Variants in DAB1 observed in about 807,000 individuals in gnomAD.
DAB1 encodes disabled homolog 1.
DAB1 carries 15 observed loss-of-function variants against 64.6 expected under a neutral mutation model. The ratio of observed to expected loss-of-function variants is 0.23; its 90% CI spans 0.16 to 0.36. DAB1 has a LOEUF of 0.36. DAB1 is among the 10% of genes least tolerant of loss of function. The pLI is 1.00. For missense variants in DAB1, 596 were observed against 706.7 expected, an observed-to-expected ratio of 0.84 and a Z score of 1.78; for synonymous variants, 235 against 251.9, an observed-to-expected ratio of 0.93 and a Z score of 0.64.
At chr1:57,368,263 C>G (rs1489353294) in intron 1 of DAB1, among the ~76,000 whole-genome samples, 1 of 152,190 alleles carries the variant, frequency 6.6e-6, no homozygotes, top group Non-Finnish European at 1.5e-5. Flanking sequence ...AGCCTGGGTG[C>G]CATGAACGGC....
At chr1:57,274,401 C>T (rs1020436690) in intron 2 of DAB1, among the ~76,000 whole-genome samples, 4 of 152,136 alleles carry the variant, frequency 2.6e-5, no homozygotes, top group African/African-American at 9.7e-5. Flanking sequence ...ATTTCAGTTT[C>T]CTCTTTTAAA....
chr1:57,778,758 C>T (rs1036271682), intron 6 of DAB1, among the ~76,000 whole-genome samples: 3 of 152,108 alleles, frequency 2.0e-5, no homozygotes, highest in African/African-American at 7.2e-5. Flanking sequence ...GATCCTGTCA[C>T]GTAGGAGAGT....
intron 4 of DAB1, among the ~76,000 whole-genome samples, chr1:58,268,167 A>C (rs901509588): frequency 6.6e-6 from 1 of 152,196 alleles, no homozygotes; most frequent in African/African-American, 2.4e-5. Flanking sequence ...GATAATATAT[A>C]TCTTTAATTT....
intron 7 of DAB1, among the ~76,000 whole-genome samples, chr1:57,629,485 C>T (rs144699856): frequency 2.6e-5 from 4 of 152,044 alleles, no homozygotes; most frequent in Non-Finnish European, 4.4e-5. Flanking sequence ...GGAGCTAACA[C>T]GACCTAAATA....
intron 3 of DAB1, among the ~76,000 whole-genome samples, chr1:58,423,294 G>A (rs1644790362): frequency 6.6e-6 from 1 of 152,140 alleles, no homozygotes; most frequent in Non-Finnish European, 1.5e-5. Flanking sequence ...CATTTCCACA[G>A]CAAGAAGAGC....
intron 1 of DAB1, among the ~76,000 whole-genome samples, chr1:57,872,762 A>T (rs1433290637): frequency 6.6e-6 from 1 of 152,092 alleles, no homozygotes. Context: ...TGTGAATAAG[A>T]AGATGATTTT....
intron 9 of DAB1, among the ~76,000 whole-genome samples, chr1:57,026,839 C>T (rs1399304571): frequency 6.6e-6 from 1 of 152,174 alleles, no homozygotes; most frequent in East Asian, 1.9e-4. Context: ...TAAAGAAACC[C>T]TTTAAGATAC....
chr1:57,176,699 T>C (rs1470800759), intron 2 of DAB1, among the ~76,000 whole-genome samples: 1 of 152,124 alleles, frequency 6.6e-6, no homozygotes, highest in African/African-American at 2.4e-5. Flanking sequence ...AGGGATTGAA[T>C]GCTAAAGGTC....
intron 1 of DAB1, among the ~76,000 whole-genome samples, chr1:57,320,970 A>G (rs1017487950): frequency 2.6e-5 from 4 of 152,196 alleles, no homozygotes; most frequent in African/African-American, 9.6e-5. Flanking sequence ...TGCCTCAATT[A>G]TGTAAAGTAA....
intron 1 of DAB1, among the ~76,000 whole-genome samples, chr1:57,401,562 G>A (rs984800285): frequency 2.0e-5 from 3 of 152,102 alleles, no homozygotes; most frequent in Non-Finnish European, 4.4e-5. Flanking sequence ...CCCAACTATA[G>A]TCATTAAGCA....
chr1:58,536,451 A>C, intron 1 of DAB1: 1 of 744,848 alleles, frequency 1.3e-6, no homozygotes. Context: ...CACATTTAAG[A>C]TACTTTCCTA....
At chr1:57,718,012 GGAA>G (rs546419535) in intron 6 of DAB1, among the ~76,000 whole-genome samples, 15 of 152,202 alleles carry the variant, frequency 9.9e-5, no homozygotes, top group Middle Eastern at 3.4e-3. Context: ...CAGATAGATA[GGAA>G]GAACAAGTTC....
intron 5 of DAB1, among the ~76,000 whole-genome samples, chr1:57,968,987 T>C (rs1429017885): frequency 4.6e-5 from 7 of 152,192 alleles, no homozygotes; most frequent in Admixed American, 4.6e-4. Context: ...TCAGAGGCAA[T>C]GCACTAATAT....
intron 3 of DAB1, among the ~76,000 whole-genome samples, chr1:58,446,594 T>G (rs1390319359): frequency 1.3e-5 from 2 of 152,178 alleles, no homozygotes; most frequent in Non-Finnish European, 2.9e-5. Flanking sequence ...AATTTAACCA[T>G]GAACCTTTTA....
intron 1 of DAB1, among the ~76,000 whole-genome samples, chr1:57,396,761 C>T (rs1682841028): frequency 6.6e-6 from 1 of 152,198 alleles, no homozygotes; most frequent in South Asian, 2.1e-4. Flanking sequence ...AGGATGTTCT[C>T]ACATGCTAAC....
intron 5 of DAB1, among the ~76,000 whole-genome samples, chr1:58,102,784 G>A (rs760380648): frequency 2.0e-5 from 3 of 152,078 alleles, no homozygotes; most frequent in African/African-American, 7.2e-5. Flanking sequence ...AAAGCCTCTC[G>A]ACCAATCATT....
chr1:57,813,577 G>C (rs754321280), intron 6 of DAB1, among the ~76,000 whole-genome samples: 1 of 152,194 alleles, frequency 6.6e-6, no homozygotes, highest in Non-Finnish European at 1.5e-5. Context: ...AACACAGAAG[G>C]GGGAGGTCTA....
At chr1:57,951,547 A>C (rs1344951044) in intron 5 of DAB1, among the ~76,000 whole-genome samples, 2 of 151,984 alleles carry the variant, frequency 1.3e-5, no homozygotes, top group Non-Finnish European at 2.9e-5. Flanking sequence ...TCATGTTTAA[A>C]TTCAGAATAT....
intron 3 of DAB1, among the ~76,000 whole-genome samples, chr1:58,406,279 T>C (rs1307549865): frequency 6.6e-6 from 1 of 152,152 alleles, no homozygotes; most frequent in African/African-American, 2.4e-5. Flanking sequence ...CAGAATTGCC[T>C]TTGAGTTTAA....
Sources: gnomAD v4.1 joint callset for allele counts (sites outside exome capture counted in the v4.1 genomes callset) on GRCh38, gnomAD v4.1.1 for gene constraint, MANE v1.5 for transcripts, NCBI Gene and HGNC (gene_info 2026-07-23, HGNC 2026-07-21) for gene names.